Variants in VGLL4 observed in about 807,000 individuals in gnomAD.
VGLL4 encodes the protein transcription cofactor vestigial-like protein 4.
A neutral mutation model predicts 21.0 loss-of-function variants in VGLL4; 7 were observed. The ratio of observed to expected loss-of-function variants is 0.33; its 90% CI spans 0.19 to 0.63. The LOEUF (loss-of-function observed/expected upper bound fraction) is 0.63. Ranked by LOEUF, VGLL4 falls within the 20% of genes least tolerant of loss-of-function variation. The probability of loss-of-function intolerance (pLI) is 0.78; values close to 1 mark genes in which losing one functional copy is unlikely to be tolerated. For missense variants in VGLL4, 394 were observed against 425.7 expected, an observed-to-expected ratio of 0.93 and a Z score of 0.66; for synonymous variants, 222 against 173.2, an observed-to-expected ratio of 1.28 and a Z score of -2.21.
At chr3:11,709,447 A>C (rs10556408) in intron 1 of VGLL4, among the ~76,000 whole-genome samples, 62,447 of 118,588 alleles carry the variant, frequency 0.53, 14,200 homozygotes, top group Non-Finnish European at 0.59. Flanking sequence ...AAAAAAAAAA[A>C]AAAAAAAAAA....
intron 2 of VGLL4, among the ~76,000 whole-genome samples, chr3:11,699,148 A>C (rs968590560): frequency 6.6e-6 from 1 of 152,230 alleles, no homozygotes; most frequent in Non-Finnish European, 1.5e-5. Flanking sequence ...AGGGCAGAGA[A>C]AGCTGAGTCA....
chr3:11,677,957 C>A (rs1402922950), intron 2 of VGLL4, among the ~76,000 whole-genome samples: 1 of 151,474 alleles, frequency 6.6e-6, no homozygotes, highest in South Asian at 2.1e-4. Flanking sequence ...AATGTGTAGC[C>A]ATATTGCTTT....
rs183886928 is a variant in VGLL4, at chr3:11,623,897, C to A, written c.82+19540G>T. ...CTGGGACTACAAGTGCCCTCCACCA[C>A]GCTTGGTTAATTTTTTGTATTTTTT... On this transcript the variant is annotated intron_variant, in intron 1 of 4. Coordinates refer to ENST00000430365, the MANE Select transcript of VGLL4 (RefSeq NM_001128219.3). 3.9e-5 allele frequency among the ~76,000 whole-genome samples: 6 copies of A among 152,050 alleles called. No individual in the cohort carries two copies. The East Asian group carries it at 1.2e-3, about 29-fold the overall frequency.
At chr3:11,703,549 T>C (rs996746749) in intron 1 of VGLL4, among the ~76,000 whole-genome samples, 1 of 152,258 alleles carries the variant, frequency 6.6e-6, no homozygotes, top group South Asian at 2.1e-4. Flanking sequence ...ACGTCATGTT[T>C]TGTATAATGG....
In VGLL4 at chr3:11,638,878, T is replaced by A. The variant is rs190595910; in HGVS notation, c.82+4559A>T. Reference sequence around the variant, plus strand: ...ACAGGGTCTCACTGAACTCAGCAACTCTCCAGTGTGCGTCTTCCCTTCCAT... The same window carrying A: ...ACAGGGTCTCACTGAACTCAGCAACACTCCAGTGTGCGTCTTCCCTTCCAT... On this transcript the variant is annotated intron_variant, in intron 1 of 4. Coordinates refer to ENST00000430365, the MANE Select transcript of VGLL4 (RefSeq NM_001128219.3). 1.2e-3 allele frequency among the ~76,000 whole-genome samples: 183 copies of A among 152,218 alleles called. 3 individuals carry two copies. Among genetic ancestry groups the A allele is most frequent in the Middle Eastern group, 6.8e-3 (2 of 294 alleles).
chr3:11,679,576 G>A (rs1278206101), intron 2 of VGLL4, among the ~76,000 whole-genome samples: 2 of 152,000 alleles, frequency 1.3e-5, no homozygotes, highest in Non-Finnish European at 2.9e-5. Context: ...CCTGCTACTC[G>A]GGAGGCTGAG....
intron 2 of VGLL4, among the ~76,000 whole-genome samples, chr3:11,682,088 G>A (rs760203731): frequency 1.3e-5 from 2 of 152,118 alleles, no homozygotes; most frequent in Non-Finnish European, 2.9e-5. Flanking sequence ...GCGAAATGCT[G>A]TCTCTAATAA....
At chr3:11,689,293 G>A (rs13097188) in intron 2 of VGLL4, among the ~76,000 whole-genome samples, 18,713 of 152,058 alleles carry the variant, frequency 0.12, 1,298 homozygotes, top group Admixed American at 0.21. Context: ...TTAAGACTCT[G>A]GGGTTGACCT....
chr3:11,581,575 G>A lies in VGLL4; in HGVS notation c.273-16556C>T, dbSNP rs77611053. On this transcript the variant is annotated intron_variant, in intron 2 of 4. Coordinates refer to ENST00000430365, the MANE Select transcript of VGLL4 (RefSeq NM_001128219.3). Reference sequence around the variant, plus strand: ...GGAGAGGCTGCTCTGTGGAATGACCGTACAAGTTACTGAGAGATGAAACAA... The same window carrying A: ...GGAGAGGCTGCTCTGTGGAATGACCATACAAGTTACTGAGAGATGAAACAA... Among the ~76,000 whole-genome samples, 498 of 152,234 alleles carry A rather than the reference G, an allele frequency of 3.3e-3. 3 individuals are homozygous for A. Among genetic ancestry groups the A allele is most frequent in the African/African-American group, 0.011 (473 of 41,542 alleles).
chr3:11,704,174 A>C (rs2076724231), intron 1 of VGLL4, among the ~76,000 whole-genome samples: 1 of 152,166 alleles, frequency 6.6e-6, no homozygotes, highest in South Asian at 2.1e-4. Context: ...TGAGGTCGGG[A>C]GTTTGAGACC....
At chr3:11,573,994 G>A (rs1348003939) in intron 2 of VGLL4, among the ~76,000 whole-genome samples, 2 of 152,164 alleles carry the variant, frequency 1.3e-5, no homozygotes, top group Non-Finnish European at 2.9e-5. Flanking sequence ...AGAGAAGACC[G>A]TCATCAACAA....
At chr3:11,654,354 C>T (rs1009407960) in intron 2 of VGLL4, among the ~76,000 whole-genome samples, 3 of 152,118 alleles carry the variant, frequency 2.0e-5, no homozygotes, top group South Asian at 2.1e-4. Context: ...TCTCAGTTCT[C>T]GCGACAATGC....
At chr3:11,569,487 G>A (rs1022392803) in intron 2 of VGLL4, among the ~76,000 whole-genome samples, 35 of 152,336 alleles carry the variant, frequency 2.3e-4, no homozygotes, top group African/African-American at 7.5e-4. Context: ...CATGCCAGGC[G>A]TTGCCTGGCA....
At chr3:11,667,163 C>A (rs5003431) in intron 2 of VGLL4, among the ~76,000 whole-genome samples, 152,371 of 152,372 alleles carry the variant, frequency 1, 76,185 homozygotes, top group Non-Finnish European at 1. Flanking sequence ...GCTAGTAGTG[C>A]AGATGCCTGC....
rs2073615089 is a variant in VGLL4, at chr3:11,568,041, TTA to T, written c.273-3024_273-3023del. On this transcript the variant is annotated intron_variant, in intron 2 of 4. Coordinates refer to ENST00000430365, the MANE Select transcript of VGLL4 (RefSeq NM_001128219.3). This position sits in a 1 kb window ranked among gnomAD's most constrained non-coding sequence, Gnocchi z 5.9. Reference sequence around the variant, plus strand: ...CTGTGGAGGTTCCAGAACTGCAGGGTTACAGCCCTGCCTTCTCATGGGCTTAC... The same window carrying T: ...CTGTGGAGGTTCCAGAACTGCAGGGTCAGCCCTGCCTTCTCATGGGCTTAC... 1.3e-5 allele frequency among the ~76,000 whole-genome samples: 2 copies of T among 152,056 alleles called. No homozygotes were observed. The highest frequency in any genetic ancestry group is 4.2e-4 in the South Asian group (2 of 4,804).
At chr3:11,671,474 C>A in intron 2 of VGLL4, 1 of 680,626 alleles carries the variant, frequency 1.5e-6, no homozygotes, top group East Asian at 2.6e-5. Flanking sequence ...TCCCAGGACC[C>A]CCAGGTGTAC....
chr3:11,559,044 C>G (rs556493091), intron 4 of VGLL4, among the ~76,000 whole-genome samples: 7 of 152,180 alleles, frequency 4.6e-5, no homozygotes, highest in Non-Finnish European at 8.8e-5. Context: ...GGCCAGAGTC[C>G]GAGTTCAGAA....
Position 11,565,001 on chromosome 3 carries a change from T to C in VGLL4, c.291A>G (p.Gly97=), listed in dbSNP as rs1210574942. 6.7e-7 allele frequency: 1 copy of C among 1,501,124 alleles called. No individual in the cohort carries two copies. The highest frequency in any genetic ancestry group is 8.9e-7 in the Non-Finnish European group (1 of 1,126,950). The allele number at this position is 1,501,124 out of a possible 1,614,324, so 93.0% of individuals were successfully genotyped here. A position where few individuals can be genotyped will look rare whatever the true frequency, so the allele number is the denominator to read the frequency against. ...GCTCCCGGGGGTCTCTGCGGCAGTC[T>C]CCATTGGCAGTCTTGTTCCTGAAAA... is the stretch of plus-strand genomic sequence containing the variant. ...FNPHLNKTAN[G]DCRRDPRERS... The change falls in exon 3 of 5, where the codon GGA becomes GGG. Residue 97 remains glycine, a synonymous_variant. Coordinates refer to ENST00000430365, the MANE Select transcript of VGLL4 (RefSeq NM_001128219.3). This position sits in a 1 kb window ranked among gnomAD's most constrained non-coding sequence, Gnocchi z 4.1.
chr3:11,665,315 G>C (rs2076104312), intron 2 of VGLL4, among the ~76,000 whole-genome samples: 9 of 151,772 alleles, frequency 5.9e-5, no homozygotes, highest in Admixed American at 5.2e-4. Flanking sequence ...GGGTTTCACC[G>C]TGTTAGCCAG....
Sources: gnomAD v4.1 joint callset for allele counts (sites outside exome capture counted in the v4.1 genomes callset) on GRCh38, gnomAD v4.1.1 for gene constraint, Gnocchi (gnomAD v3.1) non-coding constraint, MANE v1.5 for transcripts, NCBI Gene and HGNC (gene_info 2026-07-23, HGNC 2026-07-21) for gene names.